CCSER1: variants seen among roughly 807,000 people sequenced by gnomAD.
The protein encoded by CCSER1 is serine-rich coiled-coil domain-containing protein 1.
Under a neutral mutation model 82.0 loss-of-function variants are expected in CCSER1, and 41 were observed. The observed-to-expected ratio is 0.50, with a 90% CI of 0.39 to 0.65. The LOEUF is 0.65. Ranked by LOEUF, CCSER1 falls within the 30% of genes least tolerant of loss-of-function variation. CCSER1 has a pLI of 0.00. For missense variants in CCSER1, 1,119 were observed against 1,064.2 expected (o/e 1.05, Z -0.72); for synonymous variants, 414 against 383.9 (o/e 1.08, Z -0.92).
At chr4:90,391,575 ATAG>A (rs1341094186) in intron 3 of CCSER1, among the ~76,000 whole-genome samples, 2 of 145,784 alleles carry the variant, frequency 1.4e-5, no homozygotes, top group East Asian at 4.0e-4. Flanking sequence ...AAAAACATCA[ATAG>A]TAATAATAGC....
intron 5 of CCSER1, among the ~76,000 whole-genome samples, chr4:90,478,090 G>A (rs1765352634): frequency 6.6e-6 from 1 of 152,158 alleles, no homozygotes; most frequent in African/African-American, 2.4e-5. Flanking sequence ...GCAACACAGT[G>A]AAATTCTAAT....
chr4:90,616,732 CACACACAAATAAAATA>C (rs778983461), intron 5 of CCSER1, among the ~76,000 whole-genome samples: 26 of 75,978 alleles, frequency 3.4e-4, no homozygotes, highest in Middle Eastern at 7.6e-3. Flanking sequence ...CACACACACA[CACACACAAATAAAATA>C]AAATAAAAGG....
chr4:91,510,738 C>T (rs1759773053), intron 10 of CCSER1, among the ~76,000 whole-genome samples: 1 of 152,028 alleles, frequency 6.6e-6, no homozygotes, highest in Non-Finnish European at 1.5e-5. Flanking sequence ...TTTTTGGATA[C>T]ATCGTTTGCA....
intron 10 of CCSER1, among the ~76,000 whole-genome samples, chr4:91,207,346 T>G (rs1477984609): frequency 7.9e-6 from 1 of 126,004 alleles, no homozygotes; most frequent in Non-Finnish European, 1.7e-5. Flanking sequence ...CAGTTGCTTT[T>G]CTTTTCTTTT....
intron 7 of CCSER1, among the ~76,000 whole-genome samples, chr4:90,761,268 A>T (rs968752238): frequency 6.6e-6 from 1 of 152,102 alleles, no homozygotes; most frequent in Non-Finnish European, 1.5e-5. Context: ...CTGACTGCAA[A>T]AGTACTAAAA....
At position 91,496,671 on chromosome 4, in the gene CCSER1, C is replaced by CA. The variant is rs768524691; in HGVS notation, c.2218-101899dup. On this transcript the variant is annotated intron_variant, in intron 10 of 10. Transcript: ENST00000509176. ...AATATATATTGAATATATATATATT[C>CA]AATATATTTGAATATATATATATTC... is the stretch of plus-strand genomic sequence containing the variant. 9.9e-4 allele frequency among the ~76,000 whole-genome samples: 16 copies of CA among 16,082 alleles called. 2 individuals carry two copies. The highest frequency in any genetic ancestry group is 2.6e-3 in the Non-Finnish European group (16 of 6,194). The allele number at this position is 16,082 out of a possible 152,430, so 10.6% of individuals were successfully genotyped here. A position where few individuals can be genotyped will look rare whatever the true frequency, so the allele number is the denominator to read the frequency against.
At chr4:90,228,554 C>A (rs7662171) in intron 1 of CCSER1, among the ~76,000 whole-genome samples, 99,448 of 151,984 alleles carry the variant, frequency 0.65, 35,027 homozygotes, top group African/African-American at 0.91. Context: ...AACTCTAAAA[C>A]GCAGAGCGCC....
At chr4:90,442,923 G>C (rs1760110996) in intron 4 of CCSER1, among the ~76,000 whole-genome samples, 1 of 152,016 alleles carries the variant, frequency 6.6e-6, no homozygotes, top group Non-Finnish European at 1.5e-5. Flanking sequence ...CCCAAATACA[G>C]TAATAGCCCC....
chr4:90,988,004 A>G (rs1736709320), intron 9 of CCSER1, among the ~76,000 whole-genome samples: 1 of 151,638 alleles, frequency 6.6e-6, no homozygotes, highest in Non-Finnish European at 1.5e-5. Flanking sequence ...AAAATCCGCA[A>G]TATTGTAAGT....
chr4:90,534,679 C>A (rs1298992595), intron 5 of CCSER1, among the ~76,000 whole-genome samples: 1 of 152,038 alleles, frequency 6.6e-6, no homozygotes, highest in African/African-American at 2.4e-5. Context: ...TACTTTTAAA[C>A]AATTTAGGAT....
Position 90,815,846 on chromosome 4 carries a change from G to GTAAGT in CCSER1, c.2094+2_2094+6dup. On this transcript the variant is annotated splice_donor_variant, in intron 8 of 10. Coordinates refer to ENST00000509176, the MANE Select transcript of CCSER1 (RefSeq NM_001145065.2). LOFTEE classifies it high-confidence loss of function. ...CATTTCCCAACTTCAGGAAGAGCTG[G>GTAAGT]TAAGTGATAACAATGCTTGGCCCAC... 1 of 1,549,156 alleles carries GTAAGT rather than the reference G, an allele frequency of 6.5e-7. No homozygotes were observed. Among genetic ancestry groups the GTAAGT allele is most frequent in the Non-Finnish European group, 8.7e-7 (1 of 1,145,080 alleles).
chr4:91,179,285 G>A (rs1011464130), intron 10 of CCSER1, among the ~76,000 whole-genome samples: 1 of 152,048 alleles, frequency 6.6e-6, no homozygotes, highest in East Asian at 1.9e-4. Flanking sequence ...GTGTCTTGGG[G>A]TTACTCTTCT....
intron 10 of CCSER1, among the ~76,000 whole-genome samples, chr4:91,254,377 G>C (rs1740511619): frequency 6.6e-6 from 1 of 152,150 alleles, no homozygotes; most frequent in Non-Finnish European, 1.5e-5. Context: ...CAGATATATA[G>C]AGAAATTCTG....
At chr4:91,282,247 T>C (rs922846794) in intron 10 of CCSER1, among the ~76,000 whole-genome samples, 1 of 152,172 alleles carries the variant, frequency 6.6e-6, no homozygotes, top group Non-Finnish European at 1.5e-5. Flanking sequence ...TCATGAATTA[T>C]ACAGGTGTGA....
intron 10 of CCSER1, among the ~76,000 whole-genome samples, chr4:91,504,051 C>G (rs1183025382): frequency 6.6e-6 from 1 of 152,090 alleles, no homozygotes; most frequent in Non-Finnish European, 1.5e-5. Flanking sequence ...GAAATTAAAT[C>G]ACATTGAAGT....
intron 10 of CCSER1, among the ~76,000 whole-genome samples, chr4:91,384,483 T>TA (rs1000284481): frequency 1.1e-3 from 160 of 151,902 alleles, no homozygotes; most frequent in Middle Eastern, 3.4e-3. Flanking sequence ...TCTTTTTTTT[T>TA]AAAAAAATAA....
At chr4:90,223,336 T>C (rs924742703) in intron 1 of CCSER1, among the ~76,000 whole-genome samples, 2 of 152,194 alleles carry the variant, frequency 1.3e-5, no homozygotes, top group Non-Finnish European at 2.9e-5. Context: ...TGTTATAGAT[T>C]CAGGGTAAAT....
chr4:91,435,587 T>C (rs1246466156), intron 10 of CCSER1, among the ~76,000 whole-genome samples: 2 of 152,372 alleles, frequency 1.3e-5, no homozygotes, highest in East Asian at 1.9e-4. Flanking sequence ...CTATCTCTCA[T>C]GCTTCTTAAA....
chr4:90,502,241 A>C (rs1045541487), intron 5 of CCSER1, among the ~76,000 whole-genome samples: 2 of 152,132 alleles, frequency 1.3e-5, no homozygotes, highest in African/African-American at 2.4e-5. Flanking sequence ...ACTTACCAGC[A>C]TGGAGGAAGT....
Sources: gnomAD v4.1 joint callset for allele counts (sites outside exome capture counted in the v4.1 genomes callset) on GRCh38, gnomAD v4.1.1 for gene constraint, MANE v1.5 for transcripts, NCBI Gene and HGNC (gene_info 2026-07-23, HGNC 2026-07-21) for gene names.